Variants in CAP2 observed in about 807,000 individuals in gnomAD.
CAP2 encodes the protein adenylyl cyclase-associated protein 2.
A neutral mutation model predicts 57.7 loss-of-function variants in CAP2; 24 were observed. The ratio of observed to expected loss-of-function variants is 0.42; its 90% confidence interval spans 0.30 to 0.58. The LOEUF (loss-of-function observed/expected upper bound fraction) is 0.58, where lower values mean the gene tolerates loss of function less well. Among genes scored for constraint, CAP2 ranks in the 20% least tolerant of loss-of-function variants. The pLI is 0.22. For missense variants in CAP2, 501 were observed against 590.3 expected (o/e 0.85, Z 1.57); for synonymous variants, 194 against 207.2 (o/e 0.94, Z 0.55).
chr6:17,473,375 C>T (rs952486861), intron 4 of CAP2, among the ~76,000 whole-genome samples: 10 of 152,130 alleles, frequency 6.6e-5, no homozygotes, highest in Non-Finnish European at 1.2e-4. Context: ...TAATTATCAA[C>T]GATCTATCAT....
intron 4 of CAP2, among the ~76,000 whole-genome samples, chr6:17,467,052 A>G (rs1356796944): frequency 1.3e-5 from 2 of 152,158 alleles, no homozygotes; most frequent in Non-Finnish European, 2.9e-5. Flanking sequence ...AAGATCTTTC[A>G]GGGCTGGAGA....
chr6:17,451,117 T>A (rs1760390434), intron 3 of CAP2, among the ~76,000 whole-genome samples: 1 of 152,100 alleles, frequency 6.6e-6, no homozygotes, highest in Non-Finnish European at 1.5e-5. Flanking sequence ...TAGCCTTTAT[T>A]AAATCTCTTG....
At chr6:17,553,831 C>CCCT (rs1763229567) in intron 12 of CAP2, among the ~76,000 whole-genome samples, 1 of 151,906 alleles carries the variant, frequency 6.6e-6, no homozygotes, top group Admixed American at 6.6e-5. Context: ...TATTACTAAC[C>CCCT]CCTCACAGCC....
rs1687420740 is a variant in CAP2 at position 17,502,015 on chromosome 6, C to T, written c.301-5154C>T. The stretch of plus-strand genomic sequence containing the variant: ...GAGAAATTATTGAGAATCAAAGAAA[C>T]CTCAGTGAGACGTTAACAAAAAGTA... On this transcript the variant is annotated intron_variant, in intron 4 of 12. Coordinates refer to ENST00000229922, the MANE Select transcript of CAP2 (RefSeq NM_006366.3). 3.3e-5 allele frequency among the ~76,000 whole-genome samples: 5 copies of T among 152,148 alleles called. No homozygotes were observed. The South Asian group carries it at 1.0e-3, about 32-fold the overall frequency.
intron 7 of CAP2, among the ~76,000 whole-genome samples, chr6:17,518,537 A>T (rs912734327): frequency 6.6e-6 from 1 of 152,236 alleles, no homozygotes; most frequent in Non-Finnish European, 1.5e-5. Flanking sequence ...ACTCTGTAAA[A>T]ACTATGTATT....
At chr6:17,431,400 T>TA in intron 3 of CAP2, among the ~76,000 whole-genome samples, 1 of 152,270 alleles carries the variant, frequency 6.6e-6, no homozygotes, top group East Asian at 1.9e-4. Flanking sequence ...AAAATTCAAC[T>TA]AAACGTAACA....
chr6:17,548,434 T>C (rs528991696), intron 11 of CAP2, among the ~76,000 whole-genome samples: 1 of 152,146 alleles, frequency 6.6e-6, no homozygotes, highest in East Asian at 1.9e-4. Flanking sequence ...AAACAGCTAT[T>C]TTGTTGCTAG....
At chr6:17,539,670 G>C (rs1212149767) in intron 8 of CAP2, among the ~76,000 whole-genome samples, 5 of 152,208 alleles carry the variant, frequency 3.3e-5, no homozygotes, top group African/African-American at 9.6e-5. Context: ...AGACCAGAAA[G>C]AAGTATTCAG....
In CAP2 at chr6:17,442,372, TC is replaced by T. The variant is rs542852889; in HGVS notation, c.222+15684del. On this transcript the variant is annotated intron_variant, in intron 3 of 12. Coordinates refer to ENST00000229922, the MANE Select transcript of CAP2 (RefSeq NM_006366.3). ...CCTGTGGAGCACCTGCCCTGATTCT[TC>T]CTTTCTGTTCTGTGTTCGCTGACAT... is the stretch of plus-strand genomic sequence containing the variant. Among the ~76,000 whole-genome samples, 176 of 152,304 alleles carry T rather than the reference TC, an allele frequency of 1.2e-3. 1 individual carries two copies. Among genetic ancestry groups the T allele is most frequent in the African/African-American group, 3.9e-3 (161 of 41,556 alleles).
intron 1 of CAP2, among the ~76,000 whole-genome samples, chr6:17,415,943 G>C (rs1327835310): frequency 6.6e-6 from 1 of 151,958 alleles, no homozygotes; most frequent in African/African-American, 2.4e-5. Flanking sequence ...AAGATGGGTT[G>C]GGTGAAGAAA....
At chr6:17,518,110 G>C (rs913092222) in intron 7 of CAP2, among the ~76,000 whole-genome samples, 2 of 152,018 alleles carry the variant, frequency 1.3e-5, no homozygotes, top group African/African-American at 2.4e-5. Context: ...TAATGGAAGA[G>C]AAAATGATAA....
chr6:17,557,705 T>C lies in CAP2; in HGVS notation c.*1263T>C, dbSNP rs1763346989. ...GCTATAAAAGTTTTGTCTGTATGAATAATGTGGCTTTAGTAAATAATCATT... is the reference window on the plus strand; with the variant it reads ...GCTATAAAAGTTTTGTCTGTATGAACAATGTGGCTTTAGTAAATAATCATT... On this transcript the variant is annotated 3_prime_UTR_variant, in exon 13 of 13. Coordinates refer to ENST00000229922, the MANE Select transcript of CAP2 (RefSeq NM_006366.3). 6.6e-6 allele frequency: 1 copy of C among 152,242 alleles called. No homozygotes were observed. Among genetic ancestry groups the C allele is most frequent in the South Asian group, 2.1e-4 (1 of 4,832 alleles). The allele number at this position is 152,242 out of a possible 1,614,324, so 9.4% of individuals were successfully genotyped here.
At chr6:17,496,626 G>A (rs1365143860) in intron 4 of CAP2, among the ~76,000 whole-genome samples, 1 of 152,118 alleles carries the variant, frequency 6.6e-6, no homozygotes, top group Admixed American at 6.6e-5. Context: ...ACTCCCAGCT[G>A]TTTGCTCCTG....
At chr6:17,507,132 T>C in intron 4 of CAP2, 37 bp from the exon 5 acceptor site, 1 of 1,613,448 alleles carries the variant, frequency 6.2e-7, no homozygotes, top group Non-Finnish European at 8.5e-7. Context: ...GTCTGCTCTG[T>C]CTGTAGTAAA....
intron 4 of CAP2, among the ~76,000 whole-genome samples, chr6:17,499,721 C>T (rs1357523052): frequency 6.6e-6 from 1 of 152,010 alleles, no homozygotes; most frequent in East Asian, 1.9e-4. Context: ...GCTGGTGGCA[C>T]ATGCCTGTGG....
chr6:17,440,610 G>GT, intron 3 of CAP2, among the ~76,000 whole-genome samples: 1 of 73,392 alleles, frequency 1.4e-5, no homozygotes, highest in Non-Finnish European at 2.8e-5. Context: ...AACAAACTGT[G>GT]TGTGGTGTGT....
intron 4 of CAP2, among the ~76,000 whole-genome samples, chr6:17,498,577 C>T (rs1761724243): frequency 6.6e-6 from 1 of 152,108 alleles, no homozygotes; most frequent in African/African-American, 2.4e-5. Context: ...AGATCTCTTC[C>T]TTTCTCCTGA....
At chr6:17,473,429 A>G (rs1581548934) in intron 4 of CAP2, among the ~76,000 whole-genome samples, 1 of 152,346 alleles carries the variant, frequency 6.6e-6, no homozygotes, top group South Asian at 2.1e-4. Context: ...GCCACCATCA[A>G]TCTGATATAA....
At chr6:17,493,385 A>G in intron 4 of CAP2, 2 of 372,000 alleles carry the variant, frequency 5.4e-6, no homozygotes, top group African/African-American at 2.1e-5. Flanking sequence ...ACAGGCCAAC[A>G]AGTTTTAGGA....
Sources: allele counts gnomAD v4.1 joint callset (sites outside exome capture counted in the v4.1 genomes callset), GRCh38; gene constraint gnomAD v4.1.1; transcripts MANE v1.5; gene names NCBI Gene and HGNC (gene_info 2026-07-23, HGNC 2026-07-21).